Variants in COG5 observed in about 807,000 individuals in gnomAD.
COG5 encodes conserved oligomeric Golgi complex subunit 5.
A neutral mutation model predicts 110.4 loss-of-function variants in COG5; 86 were observed. The ratio of observed to expected loss-of-function variants is 0.78; its 90% confidence interval spans 0.65 to 0.93. COG5 has a LOEUF of 0.93. Among genes scored for constraint, COG5 ranks in the 40% least tolerant of loss-of-function variants. COG5 has a pLI of 0.00. For missense variants in COG5, 1,077 were observed against 987.0 expected (o/e 1.09, Z -1.22); for synonymous variants, 360 against 334.6 (o/e 1.08, Z -0.83).
chr7:107,474,277 A>G lies in COG5; in HGVS notation c.538+52960T>C, dbSNP rs1245123236. 1.2e-6 allele frequency: 2 copies of G among 1,611,830 alleles called. No individual in the cohort carries two copies. The highest frequency in any genetic ancestry group is 2.7e-5 in the African/African-American group (2 of 74,824). ...ACTTTACTGCATGAAATCCAACTTA[A>G]TCAACTCTGTCAGTAACATTATTAC... On this transcript the variant is annotated intron_variant, in intron 6 of 21. Coordinates refer to ENST00000297135, the MANE Select transcript of COG5 (RefSeq NM_006348.5). The surrounding 1 kb of genome is among the most constrained non-coding windows in gnomAD (Gnocchi z 5.7).
chr7:107,535,329 G>A (rs946760615), intron 5 of COG5, among the ~76,000 whole-genome samples: 6 of 151,456 alleles, frequency 4.0e-5, no homozygotes, highest in African/African-American at 1.5e-4. Context: ...CAGAACTGAA[G>A]GAGATAGAGA....
intron 8 of COG5, among the ~76,000 whole-genome samples, chr7:107,366,626 T>C (rs1436365002): frequency 6.6e-6 from 1 of 152,078 alleles, no homozygotes; most frequent in Non-Finnish European, 1.5e-5. Flanking sequence ...AGTCAGGTAG[T>C]GTGGGATAAA....
chr7:107,307,297 T>G (rs1211968912), intron 11 of COG5, among the ~76,000 whole-genome samples: 4 of 152,316 alleles, frequency 2.6e-5, no homozygotes, highest in Middle Eastern at 3.4e-3. Flanking sequence ...ATACTGTCCA[T>G]GACCCCATTC....
intron 6 of COG5, among the ~76,000 whole-genome samples, chr7:107,458,349 T>G (rs1283356822): frequency 3.3e-5 from 5 of 152,034 alleles, no homozygotes; most frequent in Non-Finnish European, 5.9e-5. Context: ...CTTAAAAAAC[T>G]GAAAGATAAC....
intron 6 of COG5, among the ~76,000 whole-genome samples, chr7:107,511,595 AAG>A (rs1799517963): frequency 6.6e-6 from 1 of 152,220 alleles, no homozygotes; most frequent in Non-Finnish European, 1.5e-5. Context: ...ACAACAAAAA[AAG>A]AGAGTTTTAG....
intron 6 of COG5, among the ~76,000 whole-genome samples, chr7:107,498,871 C>T (rs1798448053): frequency 6.6e-6 from 1 of 152,146 alleles, no homozygotes; most frequent in Non-Finnish European, 1.5e-5. Context: ...CTATTTACAA[C>T]AGCCAAAATA....
intron 14 of COG5, among the ~76,000 whole-genome samples, chr7:107,267,871 C>T (rs1321130825): frequency 6.6e-6 from 1 of 152,110 alleles, no homozygotes; most frequent in Non-Finnish European, 1.5e-5. Context: ...GCCTGAACAA[C>T]ATAGTGAGAT....
rs1175864141 is a variant in COG5 at position 107,202,554 on chromosome 7, GATTA to G, written c.*958_*961del. ...ACGTCTACTGATTGATTGATTGATT[GATTA>G]ATCTTGGCTGAATTTTATTTATGAG... On this transcript the variant is annotated 3_prime_UTR_variant, in exon 22 of 22. Transcript: ENST00000297135. 5 of 151,728 alleles carry G rather than the reference GATTA, an allele frequency of 3.3e-5. No individual in the cohort carries two copies. Among genetic ancestry groups the G allele is most frequent in the East Asian group, 1.9e-4 (1 of 5,180 alleles). 9.4% of individuals were successfully genotyped at this position (151,728 alleles called of 1,614,324 possible). A position where few individuals can be genotyped will look rare whatever the true frequency, so the allele number is the denominator to read the frequency against.
In COG5 at chr7:107,482,514, T is replaced by C. The variant is rs145434344; in HGVS notation, c.538+44723A>G. On this transcript the variant is annotated intron_variant, in intron 6 of 21. Transcript: ENST00000297135. Reference sequence around the variant, plus strand: ...CGTTTAACAATTACTACTTTAGATATCAGAAGACAGACTATGTATCAAGGT... The same window carrying C: ...CGTTTAACAATTACTACTTTAGATACCAGAAGACAGACTATGTATCAAGGT... Among the ~76,000 whole-genome samples, 433 of 152,110 alleles carry C rather than the reference T, an allele frequency of 2.8e-3. 1 individual carries two copies. The highest frequency in any genetic ancestry group is 4.8e-3 in the Non-Finnish European group (326 of 68,002).
rs373371666 is a variant in COG5, at chr7:107,353,403, C to T, written c.1026+8630G>A. Among the ~76,000 whole-genome samples, 99 of 122,044 alleles carry T rather than the reference C, an allele frequency of 8.1e-4. 2 individuals carry two copies. The highest frequency in any genetic ancestry group is 2.7e-3 in the East Asian group (12 of 4,378). The allele number at this position is 122,044 out of a possible 152,430, so 80.1% of individuals were successfully genotyped here. ...TCCCGCCACTGCACTCCAGCCTGGG[C>T]GACAGAGCGAGACTCCGTCTCAAAA... On this transcript the variant is annotated intron_variant, in intron 10 of 21. Transcript: ENST00000297135.
intron 10 of COG5, among the ~76,000 whole-genome samples, chr7:107,345,964 T>C (rs892671728): frequency 1.3e-5 from 2 of 152,194 alleles, no homozygotes; most frequent in Admixed American, 6.5e-5. Flanking sequence ...ATATACAATT[T>C]TGTACAGCTT....
At chr7:107,282,398 A>T (rs1805241536) in intron 13 of COG5, among the ~76,000 whole-genome samples, 1 of 152,264 alleles carries the variant, frequency 6.6e-6, no homozygotes, top group Non-Finnish European at 1.5e-5. Flanking sequence ...ACTAAGACCT[A>T]TAGTCAGAAG....
intron 7 of COG5, among the ~76,000 whole-genome samples, chr7:107,373,081 A>G (rs575791647): frequency 6.6e-6 from 1 of 152,252 alleles, no homozygotes; most frequent in African/African-American, 2.4e-5. Flanking sequence ...CAATCCCTAT[A>G]AAAAGAACCA....
rs112714645 is a variant in COG5, at chr7:107,444,551, A to T, written c.539-31919T>A. On this transcript the variant is annotated intron_variant, in intron 6 of 21. Transcript: ENST00000297135. ...ACTTTATTTAATGAAACTTGTTCTAATTCTTCAAACAATATGGTTTATTTT... is the reference window on the plus strand; with the variant it reads ...ACTTTATTTAATGAAACTTGTTCTATTTCTTCAAACAATATGGTTTATTTT... Among the ~76,000 whole-genome samples the T allele has an allele frequency of 5.6e-3, 847 of 152,282 alleles. 11 individuals are homozygous for T. The highest frequency in any genetic ancestry group is 0.02 in the African/African-American group (816 of 41,560).
At chr7:107,508,721 C>G (rs556127794) in intron 6 of COG5, among the ~76,000 whole-genome samples, 1 of 152,106 alleles carries the variant, frequency 6.6e-6, no homozygotes, top group Non-Finnish European at 1.5e-5. Context: ...TTGCGGTTCA[C>G]CAACATCCAC....
intron 5 of COG5, among the ~76,000 whole-genome samples, chr7:107,546,928 T>C (rs934408538): frequency 2.6e-5 from 4 of 152,204 alleles, no homozygotes; most frequent in African/African-American, 9.6e-5. Flanking sequence ...ATGGCTTTAC[T>C]GTTGAATTCT....
At chr7:107,334,236 C>T (rs1810510945) in intron 10 of COG5, among the ~76,000 whole-genome samples, 1 of 151,980 alleles carries the variant, frequency 6.6e-6, no homozygotes, top group African/African-American at 2.4e-5. Context: ...GAATGAAATC[C>T]TGTCATTCAA....
At chr7:107,563,476 A>G in intron 1 of COG5, 1 of 418,406 alleles carries the variant, frequency 2.4e-6, no homozygotes, top group South Asian at 2.1e-5. Flanking sequence ...GAACTGCGGC[A>G]GCAGCCGGTG....
intron 5 of COG5, chr7:107,547,870 AG>A: frequency 2.1e-6 from 1 of 474,238 alleles, no homozygotes; most frequent in Non-Finnish European, 3.7e-6. Context: ...CATTGATGAA[AG>A]AAATTGAAGA....
Sources: allele counts gnomAD v4.1 joint callset (sites outside exome capture counted in the v4.1 genomes callset), GRCh38; gene constraint gnomAD v4.1.1; non-coding constraint Gnocchi (gnomAD v3.1); transcripts MANE v1.5; gene names NCBI Gene and HGNC (gene_info 2026-07-23, HGNC 2026-07-21).